The following LMCD1 variants were observed in gnomAD, a reference collection of about 807,000 sequenced individuals.
LMCD1 encodes LIM and cysteine rich domains 1.
In LMCD1, 32 loss-of-function variants were observed where a neutral mutation model predicts 42.7. The ratio of observed to expected loss-of-function variants is 0.75; its 90% CI spans 0.57 to 1.01. LMCD1 has a LOEUF of 1.01. LMCD1 is among the 50% of genes least tolerant of loss of function. The pLI, the probability that LMCD1 is intolerant of heterozygous loss-of-function variation, is 0.00. For synonymous variants in LMCD1, 178 were observed against 184.9 expected (o/e 0.96, Z 0.30); for missense variants, 458 against 483.1 (o/e 0.95, Z 0.49).
At chr3:8,532,113 TCAG>T (rs1361279451) in intron 1 of LMCD1, among the ~76,000 whole-genome samples, 2 of 152,190 alleles carry the variant, frequency 1.3e-5, no homozygotes, top group Non-Finnish European at 2.9e-5. Flanking sequence ...TTTAAACACC[TCAG>T]CAGCAGCAGC....
At chr3:8,518,838 G>A (rs565611509) in intron 1 of LMCD1, among the ~76,000 whole-genome samples, 31 of 152,252 alleles carry the variant, frequency 2.0e-4, no homozygotes, top group Admixed American at 7.2e-4. Flanking sequence ...AGGGGCTGGC[G>A]TAACCAGAGG....
At chr3:8,503,311 A>G (rs1264262575) in intron 1 of LMCD1, among the ~76,000 whole-genome samples, 1 of 152,214 alleles carries the variant, frequency 6.6e-6, no homozygotes, top group Non-Finnish European at 1.5e-5. Context: ...TCTGTAGACC[A>G]CCTGCCCAGA....
intron 4 of LMCD1, among the ~76,000 whole-genome samples, chr3:8,564,374 A>G (rs1044684980): frequency 2.0e-5 from 3 of 152,110 alleles, no homozygotes; most frequent in African/African-American, 4.8e-5. Context: ...GGGCTCCAGC[A>G]GTCCTCCCAC....
Position 8,550,735 on chromosome 3 carries a change from G to A in LMCD1, c.723+1832G>A, listed in dbSNP as rs528911906. The A allele has an allele frequency of 8.5e-4, 833 of 984,674 alleles. 5 individuals carry two copies. The highest frequency in any genetic ancestry group is 6.8e-3 in the Middle Eastern group (13 of 1,912). The allele number at this position is 984,674 out of a possible 1,614,324, so 61.0% of individuals were successfully genotyped here. A position where few individuals can be genotyped will look rare whatever the true frequency, so the allele number is the denominator to read the frequency against. The stretch of plus-strand genomic sequence containing the variant: ...ATGGTCTATAAACTGGTCTTTTCCC[G>A]CCCCACCCTGATCCTGGCTTCTGTC... On this transcript the variant is annotated intron_variant, in intron 4 of 5. Coordinates refer to ENST00000157600, the MANE Select transcript of LMCD1 (RefSeq NM_014583.4).
chr3:8,539,795 TTTATTATTATTATTATTA>T lies in LMCD1; in HGVS notation c.387+2382_387+2399del, dbSNP rs71049735. On this transcript the variant is annotated intron_variant, in intron 3 of 5. Coordinates refer to ENST00000157600, the MANE Select transcript of LMCD1 (RefSeq NM_014583.4). ...CCTTCCCACTCACCTTCCCAACATT[TTTATTATTATTATTATTA>T]TTATTATTATTATTATTATTATTAT... Among the ~76,000 whole-genome samples, 11 of 139,834 alleles carry T rather than the reference TTTATTATTATTATTATTA, an allele frequency of 7.9e-5. 1 individual carries two copies. Among genetic ancestry groups the T allele is most frequent in the East Asian group, 2.0e-4 (1 of 4,900 alleles). 91.7% of individuals were successfully genotyped at this position (139,834 alleles called of 152,430 possible).
At chr3:8,548,960 A>T in intron 4 of LMCD1, 57 bp downstream of exon 4, 1 of 1,301,758 alleles carries the variant, frequency 7.7e-7, no homozygotes, top group East Asian at 2.6e-5. Context: ...AGGGCTGGAC[A>T]GTCAGGGCCC....
intron 4 of LMCD1, among the ~76,000 whole-genome samples, chr3:8,552,925 G>A (rs1420228162): frequency 3.3e-5 from 5 of 152,058 alleles, no homozygotes; most frequent in Admixed American, 3.3e-4. Context: ...GGGTTTCATC[G>A]TGTTAGCCAG....
intron 2 of LMCD1, among the ~76,000 whole-genome samples, chr3:8,536,856 A>G (rs1176974879): frequency 6.6e-6 from 1 of 152,220 alleles, no homozygotes; most frequent in Non-Finnish European, 1.5e-5. Flanking sequence ...GCTATGGGCC[A>G]CACAGACTCC....
chr3:8,525,029 C>T (rs1298984762), intron 1 of LMCD1, among the ~76,000 whole-genome samples: 1 of 152,062 alleles, frequency 6.6e-6, no homozygotes, highest in Non-Finnish European at 1.5e-5. Context: ...ACTAATCAAA[C>T]TAATTTTTTT....
At chr3:8,508,734 C>A (rs1423436315) in intron 1 of LMCD1, among the ~76,000 whole-genome samples, 1 of 152,142 alleles carries the variant, frequency 6.6e-6, no homozygotes, top group Non-Finnish European at 1.5e-5. Context: ...ATGAGTGGTG[C>A]CACAACCAAG....
intron 4 of LMCD1, among the ~76,000 whole-genome samples, chr3:8,563,672 G>T (rs1322271104): frequency 6.6e-6 from 1 of 152,228 alleles, no homozygotes; most frequent in Non-Finnish European, 1.5e-5. Context: ...GGAGGAGATG[G>T]AGCACTCTTT....
At chr3:8,507,904 A>G (rs12485277) in intron 1 of LMCD1, among the ~76,000 whole-genome samples, 10,462 of 152,176 alleles carry the variant, frequency 0.069, 475 homozygotes, top group Middle Eastern at 0.11. Flanking sequence ...ACACAGATCA[A>G]TTTCTTCCAG....
At chr3:8,539,228 AT>A (rs934851586) in intron 3 of LMCD1, among the ~76,000 whole-genome samples, 22 of 152,104 alleles carry the variant, frequency 1.4e-4, no homozygotes, top group African/African-American at 5.3e-4. Context: ...AGGGGGGAAA[AT>A]CCCTTCCAGA....
intron 4 of LMCD1, among the ~76,000 whole-genome samples, chr3:8,561,356 A>G (rs562616832): frequency 8.6e-5 from 13 of 151,260 alleles, no homozygotes; most frequent in Non-Finnish European, 1.3e-4. Context: ...ATGAAATTCA[A>G]AAGATAATAA....
intron 3 of LMCD1, among the ~76,000 whole-genome samples, chr3:8,543,864 C>G (rs1406537161): frequency 6.6e-6 from 1 of 152,190 alleles, no homozygotes; most frequent in Admixed American, 6.5e-5. Flanking sequence ...TTCTTATGCA[C>G]CCTAAAGTTT....
rs1695111297 is a variant in LMCD1 at position 8,565,412 on chromosome 3, GTCCTTCCCCA to G, written c.724-12_724-3del. On this transcript the variant is annotated splice_polypyrimidine_tract_variant and intron_variant, in intron 4 of 5. Coordinates refer to ENST00000157600, the MANE Select transcript of LMCD1 (RefSeq NM_014583.4). ...TCTCCTGACTTCCTTGTCTCCTATG[GTCCTTCCCCA>G]TCCTTCCAGGTCTGCGAGCTCTGCA... 1 of 1,607,498 alleles carries G rather than the reference GTCCTTCCCCA, an allele frequency of 6.2e-7. No homozygotes were observed.
At chr3:8,538,961 G>A (rs1694564834) in intron 3 of LMCD1, among the ~76,000 whole-genome samples, 1 of 152,140 alleles carries the variant, frequency 6.6e-6, no homozygotes, top group Admixed American at 6.5e-5. Context: ...TGGACCCAAT[G>A]AAAAAAGTTG....
At chr3:8,548,979 G>A (rs1489066061) in intron 4 of LMCD1, 76 bp downstream of exon 4, 1 of 1,107,430 alleles carries the variant, frequency 9.0e-7, no homozygotes. Flanking sequence ...CCCATCACGG[G>A]GCTTTGTTCC....
At chr3:8,554,275 G>A (rs971139143) in intron 4 of LMCD1, among the ~76,000 whole-genome samples, 7 of 152,258 alleles carry the variant, frequency 4.6e-5, no homozygotes, top group African/African-American at 1.4e-4. Flanking sequence ...GTTACCCCAC[G>A]TGCTGATGAG....
Sources: gnomAD v4.1 joint callset for allele counts (sites outside exome capture counted in the v4.1 genomes callset) on GRCh38, gnomAD v4.1.1 for gene constraint, MANE v1.5 for transcripts, NCBI Gene and HGNC (gene_info 2026-07-23, HGNC 2026-07-21) for gene names.